Variants in HOOK1 observed in about 807,000 individuals in gnomAD.
HOOK1 encodes hook microtubule tethering protein 1, also known as protein Hook homolog 1.
HOOK1 carries 60 observed loss-of-function variants against 112.8 expected under a neutral mutation model. The observed-to-expected ratio is 0.53, with a 90% CI of 0.43 to 0.66. The LOEUF is 0.66. Ranked by LOEUF, HOOK1 falls within the 30% of genes least tolerant of loss-of-function variation. The probability of loss-of-function intolerance (pLI) is 0.00; values close to 1 mark genes in which losing one functional copy is unlikely to be tolerated. For missense variants in HOOK1, 770 were observed against 856.0 expected (o/e 0.90, Z 1.25); for synonymous variants, 294 against 283.8 (o/e 1.04, Z -0.36).
intron 12 of HOOK1, among the ~76,000 whole-genome samples, chr1:59,858,196 A>G (rs1486091774): frequency 6.6e-6 from 1 of 152,206 alleles, no homozygotes; most frequent in African/African-American, 2.4e-5. Flanking sequence ...CCTCTGTTAC[A>G]TAATTGCATT....
chr1:59,849,618 C>CTCA (rs974080949), intron 12 of HOOK1, among the ~76,000 whole-genome samples: 1 of 151,520 alleles, frequency 6.6e-6, no homozygotes, highest in Non-Finnish European at 1.5e-5. Flanking sequence ...AAAAAGAAAC[C>CTCA]TCATGCCCAT....
intron 9 of HOOK1, among the ~76,000 whole-genome samples, chr1:59,846,649 C>A: frequency 7.1e-6 from 1 of 140,336 alleles, no homozygotes; most frequent in East Asian, 2.3e-4. Flanking sequence ...TAACATAGAC[C>A]TTTAAAACTG....
intron 2 of HOOK1, among the ~76,000 whole-genome samples, chr1:59,828,449 T>A (rs2098391496): frequency 6.6e-6 from 1 of 152,154 alleles, no homozygotes; most frequent in Non-Finnish European, 1.5e-5. Context: ...ACCATCATAT[T>A]TAAATGAAAT....
intron 7 of HOOK1, 93 bp downstream of exon 7, chr1:59,837,028 A>G: frequency 1.3e-6 from 1 of 743,638 alleles, no homozygotes; most frequent in Non-Finnish European, 2.2e-6. Flanking sequence ...GAGCATATAC[A>G]ATAATATTTT....
chr1:59,849,548 A>G (rs934200281), intron 12 of HOOK1, among the ~76,000 whole-genome samples: 6 of 151,646 alleles, frequency 4.0e-5, no homozygotes, highest in African/African-American at 1.4e-4. Context: ...GGTTTTTAAT[A>G]TATTCACAGA....
rs115338132 is a variant in HOOK1 at position 59,838,458 on chromosome 1, T to C, written c.537+1523T>C. On this transcript the variant is annotated intron_variant, in intron 7 of 21. Coordinates refer to ENST00000371208, the MANE Select transcript of HOOK1 (RefSeq NM_015888.6). ...CTCTAATGACCTGTGATGATGAGCATTTTTTCATATGTCCGTTCGCTGCAT... is the reference window on the plus strand; with the variant it reads ...CTCTAATGACCTGTGATGATGAGCACTTTTTCATATGTCCGTTCGCTGCAT... 4.5e-3 allele frequency among the ~76,000 whole-genome samples: 684 copies of C among 152,340 alleles called. 4 individuals are homozygous for C. Among genetic ancestry groups the C allele is most frequent in the African/African-American group, 0.016 (654 of 41,580 alleles).
Position 59,860,236 on chromosome 1 carries a change from G to T in HOOK1, c.1440G>T (p.Gln480His). ...LQHENKMLRL[Q>H]QEGSENERIE... ...ATGAAAATAAGATGCTTCGCTTACA[G>T]CAAGAAGGCTCTGAGAATGAACGTA... The change falls in exon 15 of 22, where the codon CAG (glutamine) becomes CAT (histidine). Residue 480 changes from glutamine to histidine, a missense_variant. Coordinates refer to ENST00000371208, the MANE Select transcript of HOOK1 (RefSeq NM_015888.6). The T allele has an allele frequency of 6.2e-7, 1 of 1,610,156 alleles. No individual in the cohort carries two copies. The highest frequency in any genetic ancestry group is 1.3e-5 in the African/African-American group (1 of 74,908).
chr1:59,867,472 A>G (rs1479991454), intron 19 of HOOK1, among the ~76,000 whole-genome samples: 2 of 152,170 alleles, frequency 1.3e-5, no homozygotes, highest in Admixed American at 1.3e-4. Flanking sequence ...TTTTTCCTCT[A>G]TAAATGTAGA....
intron 1 of HOOK1, among the ~76,000 whole-genome samples, chr1:59,816,513 G>T (rs1187394279): frequency 6.6e-6 from 1 of 152,236 alleles, no homozygotes; most frequent in Non-Finnish European, 1.5e-5. Flanking sequence ...TCAATTGACT[G>T]AAGTGTTAAG....
intron 6 of HOOK1, among the ~76,000 whole-genome samples, chr1:59,836,052 TTTTTC>T (rs2098397430): frequency 6.6e-6 from 1 of 152,110 alleles, no homozygotes; most frequent in South Asian, 2.1e-4. Context: ...GAGTTTTTCT[TTTTTC>T]TTTTTTTTCT....
intron 12 of HOOK1, among the ~76,000 whole-genome samples, chr1:59,853,846 C>G (rs542141123): frequency 3.7e-4 from 56 of 150,954 alleles, no homozygotes; most frequent in Non-Finnish European, 6.8e-4. Flanking sequence ...ATACTGAAAA[C>G]TACTCCAAAA....
chr1:59,840,341 C>G lies in HOOK1; in HGVS notation c.571C>G (p.Leu191Val). Reference sequence around the variant, plus strand: ...AGCCTTGGAAGAACTTCAGGAAGCACTAGCAGAAAAAGAAGAGCTGAGGCA... The same window carrying G: ...AGCCTTGGAAGAACTTCAGGAAGCAGTAGCAGAAAAAGAAGAGCTGAGGCA... Reference protein sequence around the residue: ...KRALEELQEALAEKEELRQRC... With the variant: ...KRALEELQEAVAEKEELRQRC... Residue 191 changes from leucine to valine, a missense_variant, in exon 8 of 22, where the codon CTA (leucine) becomes GTA (valine). Transcript: ENST00000371208. 1 of 1,597,582 alleles carries G rather than the reference C, an allele frequency of 6.3e-7. No homozygotes were observed. The highest frequency in any genetic ancestry group is 1.1e-5 in the South Asian group (1 of 87,544).
At chr1:59,837,760 T>A (rs1485922269) in intron 7 of HOOK1, among the ~76,000 whole-genome samples, 1 of 152,150 alleles carries the variant, frequency 6.6e-6, no homozygotes, top group East Asian at 1.9e-4. Flanking sequence ...TTTTGTTACA[T>A]AGGTATACAC....
rs562229374 is a variant in HOOK1 at position 59,815,362 on chromosome 1, G to C, written c.63+182G>C. On this transcript the variant is annotated intron_variant, in intron 1 of 21. Coordinates refer to ENST00000371208, the MANE Select transcript of HOOK1 (RefSeq NM_015888.6). ...CGGGTCGACGGGCAGGTGTGTGGGC[G>C]CGGGTTGGTGTCCGGGGGTGGGGGT... The C allele has an allele frequency of 2.3e-4, 139 of 608,072 alleles. No homozygotes were observed. In the South Asian group the frequency reaches 2.6e-3, roughly 11 times the overall value. 37.7% of individuals were successfully genotyped at this position (608,072 alleles called of 1,614,324 possible). A position where few individuals can be genotyped will look rare whatever the true frequency, so the allele number is the denominator to read the frequency against.
At chr1:59,826,204 T>C (rs572229352) in intron 2 of HOOK1, among the ~76,000 whole-genome samples, 1 of 152,342 alleles carries the variant, frequency 6.6e-6, no homozygotes, top group Admixed American at 6.5e-5. Context: ...ATATTTTGGT[T>C]CATTAGTCCT....
intron 12 of HOOK1, among the ~76,000 whole-genome samples, chr1:59,854,301 C>T (rs939708372): frequency 2.6e-5 from 4 of 151,386 alleles, no homozygotes; most frequent in East Asian, 2.0e-4. Context: ...CCACCTGCCT[C>T]GACCTCCCAA....
At chr1:59,861,024 C>T (rs899658761) in intron 15 of HOOK1, among the ~76,000 whole-genome samples, 3 of 152,004 alleles carry the variant, frequency 2.0e-5, no homozygotes, top group Non-Finnish European at 2.9e-5. Context: ...GATCCACCCA[C>T]CCTGGCCTCC....
At chr1:59,825,849 G>A (rs1303342555) in intron 2 of HOOK1, among the ~76,000 whole-genome samples, 1 of 152,150 alleles carries the variant, frequency 6.6e-6, no homozygotes, top group Non-Finnish European at 1.5e-5. Context: ...GACATAAAGT[G>A]TAGATAGTTA....
At chr1:59,845,571 G>C (rs530689862) in intron 9 of HOOK1, among the ~76,000 whole-genome samples, 1 of 148,234 alleles carries the variant, frequency 6.7e-6, no homozygotes, top group East Asian at 2.0e-4. Flanking sequence ...AAAGTTTTTT[G>C]TTTTTGTTTT....
Sources: gnomAD v4.1 joint callset for allele counts (sites outside exome capture counted in the v4.1 genomes callset) on GRCh38, gnomAD v4.1.1 for gene constraint, MANE v1.5 for transcripts, NCBI Gene and HGNC (gene_info 2026-07-23, HGNC 2026-07-21) for gene names.